Variants in TPPP observed in about 807,000 individuals in gnomAD.
TPPP encodes tubulin polymerization promoting protein.
Under a neutral mutation model 15.5 loss-of-function variants are expected in TPPP, and 6 were observed. The ratio of observed to expected loss-of-function variants is 0.39; its 90% confidence interval spans 0.21 to 0.77. The LOEUF (loss-of-function observed/expected upper bound fraction) is 0.77, where lower values mean the gene tolerates loss of function less well. Ranked by LOEUF, TPPP falls within the 30% of genes least tolerant of loss-of-function variation. TPPP has a pLI of 0.42. For synonymous variants in TPPP, 146 were observed against 133.9 expected (o/e 1.09, Z -0.63); for missense variants, 269 against 307.2 (o/e 0.88, Z 0.93).
rs16900955 is a variant in TPPP, at chr5:664,837, G to A, written c.*265C>T. 0.022 allele frequency: 10,782 copies of A among 494,880 alleles called. 148 individuals carry two copies. Among genetic ancestry groups the A allele is most frequent in the African/African-American group, 0.028 (1,440 of 51,760 alleles). The allele number at this position is 494,880 out of a possible 1,614,324, so 30.7% of individuals were successfully genotyped here. A position where few individuals can be genotyped will look rare whatever the true frequency, so the allele number is the denominator to read the frequency against. The stretch of plus-strand genomic sequence containing the variant: ...ACGTGCCCAGTGTGGTGTGATCCGC[G>A]AGACACTTTGGAAATGGCTGAGGAC... On this transcript the variant is annotated 3_prime_UTR_variant, in exon 4 of 4. Coordinates refer to ENST00000360578, the MANE Select transcript of TPPP (RefSeq NM_007030.3).
intron 1 of TPPP, chr5:692,495 C>G (rs1740914259): frequency 1.2e-6 from 1 of 861,990 alleles, no homozygotes; most frequent in Non-Finnish European, 1.4e-6. Context: ...ATCAAGACAA[C>G]AGCCCCCCCA....
upstream of TPPP, among the ~76,000 whole-genome samples, chr5:697,675 GC>G (rs1741039175): frequency 6.6e-6 from 1 of 152,014 alleles, no homozygotes; most frequent in Non-Finnish European, 1.5e-5. Flanking sequence ...TTTCCCCACT[GC>G]CAGAAGTGGC....
intron 2 of TPPP, among the ~76,000 whole-genome samples, chr5:673,421 G>C (rs982036052): frequency 2.0e-5 from 3 of 152,062 alleles, no homozygotes; most frequent in African/African-American, 7.2e-5. Flanking sequence ...GGCAGCCCTG[G>C]GGGGCCAGGG....
At chr5:668,621 C>G (rs573100177) in intron 2 of TPPP, among the ~76,000 whole-genome samples, 1 of 152,266 alleles carries the variant, frequency 6.6e-6, no homozygotes, top group African/African-American at 2.4e-5. Flanking sequence ...CCGAGCAACG[C>G]GGCAGAGCCA....
chr5:665,857 GT>G, intron 3 of TPPP, 112 bp downstream of exon 3: 1 of 455,792 alleles, frequency 2.2e-6, no homozygotes, highest in Non-Finnish European at 2.6e-6. Context: ...CCCCCCCCAG[GT>G]CACGCCCCCA....
intron 2 of TPPP, among the ~76,000 whole-genome samples, chr5:673,481 T>C (rs144631577): frequency 6.6e-6 from 1 of 151,838 alleles, no homozygotes; most frequent in Non-Finnish European, 1.5e-5. Context: ...GAGGTCAGAA[T>C]CCCTTGGCCT....
intron 2 of TPPP, among the ~76,000 whole-genome samples, chr5:671,240 T>A (rs1365640582): frequency 7.1e-6 from 1 of 140,232 alleles, no homozygotes; most frequent in African/African-American, 2.6e-5. Flanking sequence ...CTTTTCGTTT[T>A]CCTGGGGAGG....
chr5:699,602 A>C, the TPPP span, among the ~76,000 whole-genome samples: 1 of 152,142 alleles, frequency 6.6e-6, no homozygotes, highest in African/African-American at 2.4e-5. Flanking sequence ...TTGCAACAAA[A>C]ACAAAAATAG....
chr5:677,701 C>T, intron 2 of TPPP, 49 bp downstream of exon 2: 1 of 1,495,212 alleles, frequency 6.7e-7, no homozygotes, highest in Non-Finnish European at 8.9e-7. Context: ...CTCAGGGCCG[C>T]AGACCCCCGT....
intron 1 of TPPP, among the ~76,000 whole-genome samples, chr5:678,652 C>T (rs412794): frequency 0.26 from 32,813 of 126,052 alleles, 6,127 homozygotes; most frequent in African/African-American, 0.51. Flanking sequence ...GCCCTGGGGG[C>T]GCCTCAGGAT....
chr5:693,380 C>A, upstream of TPPP: 1 of 147,034 alleles, frequency 6.8e-6, no homozygotes, highest in South Asian at 1.8e-4. Flanking sequence ...CCCGCCCGTC[C>A]CGCCCAGCAC....
At chr5:681,861 G>A (rs113948530) in intron 1 of TPPP, among the ~76,000 whole-genome samples, 18,086 of 152,246 alleles carry the variant, frequency 0.12, 1,395 homozygotes, top group South Asian at 0.18. Context: ...CCAGAGGGTG[G>A]CTGTCCTAGG....
At chr5:679,153 C>T (rs182435578) in intron 1 of TPPP, among the ~76,000 whole-genome samples, 1 of 152,162 alleles carries the variant, frequency 6.6e-6, no homozygotes, top group South Asian at 2.1e-4. Context: ...GAGTTCTCAG[C>T]GCCAGTCATG....
At chr5:665,597 C>A (rs947121932) in intron 3 of TPPP, among the ~76,000 whole-genome samples, 1 of 151,454 alleles carries the variant, frequency 6.6e-6, no homozygotes, top group Non-Finnish European at 1.5e-5. Flanking sequence ...AGGCCCCACC[C>A]TCCAGGCTAT....
At chr5:683,447 G>T (rs1740682956) in intron 1 of TPPP, among the ~76,000 whole-genome samples, 1 of 152,236 alleles carries the variant, frequency 6.6e-6, no homozygotes, top group Non-Finnish European at 1.5e-5. Flanking sequence ...GCTTCTGCCT[G>T]GCAGGAGCCG....
In TPPP at chr5:666,109, C is replaced by A. The variant is rs768821190; in HGVS notation, c.326G>T (p.Arg109Leu). 1.3e-6 allele frequency: 2 copies of A among 1,572,856 alleles called. No individual in the cohort carries two copies. Among genetic ancestry groups the A allele is most frequent in the Non-Finnish European group, 1.7e-6 (2 of 1,161,986 alleles). Residue 109 changes from arginine (R) to leucine (L), a missense_variant, in exon 3 of 4, where the codon CGG becomes CTG. Arg to Leu is a moderately radical substitution (Grantham distance 102, BLOSUM62 -2). Transcript: ENST00000360578. The part of the protein sequence containing the change: ...VFSKIKGKSC[R>L]TITFEQFQEA... ...CTGGAACTGCTCAAAGGTGATGGTC[C>A]GGCAAGACTTCCCTCTACAGGGGCA...
chr5:681,909 C>T (rs537477326), intron 1 of TPPP, among the ~76,000 whole-genome samples: 3 of 152,170 alleles, frequency 2.0e-5, no homozygotes, highest in Non-Finnish European at 4.4e-5. Flanking sequence ...ATGCCTGTCC[C>T]AGGTGTGTCA....
chr5:671,907 C>T (rs574985089), intron 2 of TPPP, among the ~76,000 whole-genome samples: 5 of 152,266 alleles, frequency 3.3e-5, no homozygotes, highest in South Asian at 2.1e-4. Context: ...CTGGGTACCA[C>T]GGGGGAGGGG....
At chr5:681,475 C>A (rs1389008589) in intron 1 of TPPP, among the ~76,000 whole-genome samples, 1 of 152,156 alleles carries the variant, frequency 6.6e-6, no homozygotes, top group Non-Finnish European at 1.5e-5. Context: ...TGCCTGTACT[C>A]CCAGGCCTGT....
Sources: gnomAD v4.1 joint callset for allele counts (sites outside exome capture counted in the v4.1 genomes callset) on GRCh38, gnomAD v4.1.1 for gene constraint, MANE v1.5 for transcripts, NCBI Gene and HGNC (gene_info 2026-07-23, HGNC 2026-07-21) for gene names.